Variants in SLC5A4 observed in about 807,000 individuals in gnomAD.
SLC5A4 encodes probable glucose sensor protein SLC5A4.
A neutral mutation model predicts 70.3 loss-of-function variants in SLC5A4; 55 were observed. The observed-to-expected ratio is 0.78, with a 90% CI of 0.63 to 0.98. SLC5A4 has a LOEUF of 0.98. SLC5A4 is among the 50% of genes least tolerant of loss of function. The pLI is 0.00. For synonymous variants in SLC5A4, 268 were observed against 305.7 expected (o/e 0.88, Z 1.29); for missense variants, 735 against 839.2 (o/e 0.88, Z 1.53).
the SLC5A4 span, chr22:32,269,692 C>T: frequency 3.6e-4 from 220 of 603,242 alleles, no homozygotes; most frequent in African/African-American, 2.9e-3. This position sits in a 1 kb window ranked among gnomAD's most constrained non-coding sequence, Gnocchi z 4.1. Context: ...AGCATTCCCC[C>T]GTACGGTGTG....
the SLC5A4 span, among the ~76,000 whole-genome samples, chr22:32,267,140 T>C: frequency 6.6e-6 from 1 of 152,246 alleles, no homozygotes; most frequent in Non-Finnish European, 1.5e-5. Context: ...AGACCTAATT[T>C]AGAATGATGT....
intron 7 of SLC5A4, among the ~76,000 whole-genome samples, chr22:32,236,505 G>A (rs1362077949): frequency 6.6e-6 from 1 of 152,142 alleles, no homozygotes; most frequent in Non-Finnish European, 1.5e-5. Context: ...TGTATTCTAT[G>A]TGTATGATTC....
At chr22:32,259,519 G>C (rs939871436), upstream of SLC5A4, among the ~76,000 whole-genome samples, 3 of 151,934 alleles carry the variant, frequency 2.0e-5, no homozygotes, top group Non-Finnish European at 4.4e-5. Context: ...ATTTTCATAT[G>C]TTGAACTATC....
the SLC5A4 span, among the ~76,000 whole-genome samples, chr22:32,329,684 G>A: frequency 8.8e-5 from 4 of 45,532 alleles, no homozygotes; most frequent in Admixed American, 2.5e-4. Flanking sequence ...TGGGGGCTCT[G>A]GTGTGTGTGT....
the SLC5A4 span, among the ~76,000 whole-genome samples, chr22:32,327,928 G>T: frequency 6.6e-6 from 1 of 152,206 alleles, no homozygotes; most frequent in African/African-American, 2.4e-5. Context: ...TGTGGCCCAA[G>T]ATGTTTAACC....
the SLC5A4 span, among the ~76,000 whole-genome samples, chr22:32,343,843 GAGTC>G: frequency 6.6e-6 from 1 of 152,184 alleles, no homozygotes; most frequent in African/African-American, 2.4e-5. Context: ...TTTAAGGAGT[GAGTC>G]AGAAGAGAAG....
chr22:32,238,295 C>T (rs1275067227), intron 6 of SLC5A4, among the ~76,000 whole-genome samples: 1 of 152,160 alleles, frequency 6.6e-6, no homozygotes, highest in African/African-American at 2.4e-5. Flanking sequence ...TTTGCAATCC[C>T]TCACTATTCC....
chr22:32,334,742 C>T, the SLC5A4 span, among the ~76,000 whole-genome samples: 27 of 152,288 alleles, frequency 1.8e-4, no homozygotes, highest in East Asian at 2.9e-3. Context: ...TTGGGGAGGA[C>T]GTCAGCGGCA....
At chr22:32,316,883 G>A in the SLC5A4 span, among the ~76,000 whole-genome samples, 189 of 151,438 alleles carry the variant, frequency 1.2e-3, 1 homozygote, top group African/African-American at 4.1e-3. Flanking sequence ...ATATGCAGTT[G>A]GCAAAAACAA....
chr22:32,337,961 G>A, the SLC5A4 span, among the ~76,000 whole-genome samples: 1 of 152,104 alleles, frequency 6.6e-6, no homozygotes, highest in Non-Finnish European at 1.5e-5. Context: ...TTGCAATAGT[G>A]GCTGTGTTTA....
the SLC5A4 span, among the ~76,000 whole-genome samples, chr22:32,351,574 C>T: frequency 1.3e-4 from 20 of 150,754 alleles, no homozygotes; most frequent in African/African-American, 2.7e-4. Flanking sequence ...CAGCAGTATT[C>T]GCTTGTAATC....
rs1028860701 is a variant in SLC5A4, at chr22:32,255,067, C to T, written c.135+128G>A. 6 of 909,980 alleles carry T rather than the reference C, an allele frequency of 6.6e-6. No individual in the cohort carries two copies. In the African/African-American group the frequency reaches 6.6e-5, roughly 10 times the overall value. 56.4% of individuals were successfully genotyped at this position (909,980 alleles called of 1,614,324 possible). A position where few individuals can be genotyped will look rare whatever the true frequency, so the allele number is the denominator to read the frequency against. ...TTGTAAGCGTTATTTATGCAACACACAAGAAAATGATTCTGATAACACAAT... is the reference window on the plus strand; with the variant it reads ...TTGTAAGCGTTATTTATGCAACACATAAGAAAATGATTCTGATAACACAAT... On this transcript the variant is annotated intron_variant, in intron 1 of 14. Transcript: ENST00000266086.
At chr22:32,276,085 C>T in the SLC5A4 span, among the ~76,000 whole-genome samples, 1 of 152,190 alleles carries the variant, frequency 6.6e-6, no homozygotes, top group Non-Finnish European at 1.5e-5. Flanking sequence ...TATCAAGTTA[C>T]TGTTTCCTAA....
chr22:32,344,154 G>T, the SLC5A4 span, among the ~76,000 whole-genome samples: 1 of 152,114 alleles, frequency 6.6e-6, no homozygotes, highest in African/African-American at 2.4e-5. Context: ...AGACATCGCT[G>T]GGTTCAACGT....
At chr22:32,312,435 G>T in the SLC5A4 span, among the ~76,000 whole-genome samples, 1 of 151,994 alleles carries the variant, frequency 6.6e-6, no homozygotes, top group Non-Finnish European at 1.5e-5. Flanking sequence ...CGCTATTGGA[G>T]GGAGCAGGGG....
At chr22:32,240,964 G>A (rs1340069042) in intron 5 of SLC5A4, among the ~76,000 whole-genome samples, 6 of 152,240 alleles carry the variant, frequency 3.9e-5, no homozygotes, top group Admixed American at 3.3e-4. Flanking sequence ...AGCATAGTTT[G>A]TGAACTTCCA....
At chr22:32,275,404 TC>T in the SLC5A4 span, among the ~76,000 whole-genome samples, 1 of 152,164 alleles carries the variant, frequency 6.6e-6, no homozygotes, top group African/African-American at 2.4e-5. Flanking sequence ...TGTGTGATGT[TC>T]CCCTTCCTGT....
At chr22:32,277,231 T>G in the SLC5A4 span, 4 of 152,326 alleles carry the variant, frequency 2.6e-5, no homozygotes, top group Non-Finnish European at 5.9e-5. Flanking sequence ...AAGGGCCTAT[T>G]AAGAAACTGT....
chr22:32,332,413 C>T, the SLC5A4 span, among the ~76,000 whole-genome samples: 1 of 146,360 alleles, frequency 6.8e-6, no homozygotes, highest in African/African-American at 2.6e-5. Flanking sequence ...CACTTACTTC[C>T]CACTTCCTCC....
Sources: allele counts gnomAD v4.1 joint callset (sites outside exome capture counted in the v4.1 genomes callset), GRCh38; gene constraint gnomAD v4.1.1; non-coding constraint Gnocchi (gnomAD v3.1); transcripts MANE v1.5; gene names NCBI Gene and HGNC (gene_info 2026-07-23, HGNC 2026-07-21).